The following ANKRD44 variants were observed in gnomAD, a reference collection of about 807,000 sequenced individuals.
The protein encoded by ANKRD44 is serine/threonine-protein phosphatase 6 regulatory ankyrin repeat subunit B.
ANKRD44 carries 35 observed loss-of-function variants against 116.0 expected under a neutral mutation model. The ratio of observed to expected loss-of-function variants is 0.30; its 90% confidence interval spans 0.23 to 0.40. ANKRD44 has a LOEUF of 0.40. Ranked by LOEUF, ANKRD44 falls within the 10% of genes least tolerant of loss-of-function variation. The pLI is 1.00. For synonymous variants in ANKRD44, 435 were observed against 461.8 expected (o/e 0.94, Z 0.74); for missense variants, 1,014 against 1,242.6 (o/e 0.82, Z 2.77).
chr2:197,281,237 G>A (rs1388126796), intron 1 of ANKRD44, among the ~76,000 whole-genome samples: 1 of 152,178 alleles, frequency 6.6e-6, no homozygotes. Context: ...TTACATGCCT[G>A]TTGATAGGAG....
rs367737068 is a variant in ANKRD44 at position 196,999,019 on chromosome 2, A to G, written c.2553T>C (p.His851=). 3.3e-5 allele frequency: 53 copies of G among 1,614,198 alleles called. No individual in the cohort carries two copies. The African/African-American group carries it at 6.3e-4, about 19-fold the overall frequency. ...TPLHAAAFAD[H]VECLQLLLRH... is the part of the protein sequence containing the mutation. ...TCAGAAGAAGCTGCAAGCACTCCAC[A>G]TGATCAGCAAATGCTGCCGCATGAA... The change falls in exon 24 of 28, where the codon CAT becomes CAC. Residue 851 remains histidine (H), a synonymous_variant. Coordinates refer to ENST00000282272, the MANE Select transcript of ANKRD44 (RefSeq NM_001195144.2).
chr2:197,221,114 G>A (rs965903798), intron 1 of ANKRD44, among the ~76,000 whole-genome samples: 19 of 152,000 alleles, frequency 1.3e-4, no homozygotes, highest in Non-Finnish European at 2.5e-4. Flanking sequence ...AGCCAAGTGT[G>A]GTGGTGCACA....
intron 4 of ANKRD44, among the ~76,000 whole-genome samples, chr2:197,126,770 A>T (rs1329415709): frequency 6.6e-6 from 1 of 151,920 alleles, no homozygotes; most frequent in African/African-American, 2.4e-5. Context: ...ATCGACAAAC[A>T]TATATACAGG....
chr2:197,295,192 G>A (rs972218277), intron 1 of ANKRD44, among the ~76,000 whole-genome samples: 4 of 152,182 alleles, frequency 2.6e-5, no homozygotes, highest in Non-Finnish European at 4.4e-5. Flanking sequence ...AGATCAAAGT[G>A]CAACTTAGGT....
chr2:197,280,083 G>A (rs946144138), intron 1 of ANKRD44, among the ~76,000 whole-genome samples: 5 of 152,262 alleles, frequency 3.3e-5, no homozygotes, highest in Admixed American at 2.0e-4. Context: ...TGAGCTCGGC[G>A]TGTGACAGGA....
intron 16 of ANKRD44, among the ~76,000 whole-genome samples, chr2:197,047,284 T>C (rs2077020405): frequency 6.6e-6 from 1 of 152,162 alleles, no homozygotes; most frequent in African/African-American, 2.4e-5. Flanking sequence ...CCTCCCAAAG[T>C]GCTGAGATGA....
chr2:197,029,801 G>T, intron 16 of ANKRD44: 1 of 292,316 alleles, frequency 3.4e-6, no homozygotes, highest in South Asian at 3.2e-5. Flanking sequence ...ACAGCCTCCT[G>T]GGTCTTCTTG....
intron 1 of ANKRD44, among the ~76,000 whole-genome samples, chr2:197,272,398 C>T (rs993629918): frequency 7.2e-5 from 11 of 152,110 alleles, no homozygotes; most frequent in Admixed American, 2.0e-4. Flanking sequence ...CCACCACGCC[C>T]AGCTAATTTT....
chr2:197,308,093 C>T (rs79623765), intron 1 of ANKRD44, among the ~76,000 whole-genome samples: 3,316 of 151,326 alleles, frequency 0.022, 126 homozygotes, highest in African/African-American at 0.077. Context: ...GATGTTTGAG[C>T]CTGGCAGGCC....
At chr2:197,053,477 C>T (rs1196492438) in intron 16 of ANKRD44, among the ~76,000 whole-genome samples, 1 of 152,072 alleles carries the variant, frequency 6.6e-6, no homozygotes, top group Non-Finnish European at 1.5e-5. Flanking sequence ...TTCACTTCTA[C>T]CTACACTGAT....
At chr2:197,256,546 A>G (rs990072414) in intron 1 of ANKRD44, among the ~76,000 whole-genome samples, 6 of 152,236 alleles carry the variant, frequency 3.9e-5, no homozygotes, top group African/African-American at 1.4e-4. Context: ...TCAAATTGAG[A>G]CAGATGAACA....
intron 26 of ANKRD44, chr2:196,994,753 C>T (rs1354853531): frequency 6.6e-6 from 1 of 151,308 alleles, no homozygotes; most frequent in Admixed American, 6.6e-5. Flanking sequence ...GAACTCCTGG[C>T]CTCAAGTAAT....
intron 9 of ANKRD44, among the ~76,000 whole-genome samples, chr2:197,108,866 AACAAC>A (rs1299114288): frequency 4.8e-5 from 7 of 145,728 alleles, no homozygotes; most frequent in Admixed American, 2.0e-4. Context: ...CAACAACAAC[AACAAC>A]AAAAACACAA....
Position 197,125,905 on chromosome 2 carries a change from T to C in ANKRD44, c.394A>G (p.Ser132Gly). Residue 132 changes from serine (S) to glycine (G), a missense_variant, in exon 5 of 28, where the codon AGT (serine) becomes GGT (glycine). Physicochemically the swap from Ser to Gly is moderately conservative, Grantham distance 56. Coordinates refer to ENST00000282272, the MANE Select transcript of ANKRD44 (RefSeq NM_001195144.2). ...CAEVIIPLLSSVNVSDRGGRT... is the reference protein window; with the variant it reads ...CAEVIIPLLSGVNVSDRGGRT... Reference sequence around the variant, plus strand: ...CCCCCTCGGTCGGAGACATTGACACTGCTCAGCAGGGGAATGATCACTTCT... The same window carrying C: ...CCCCCTCGGTCGGAGACATTGACACCGCTCAGCAGGGGAATGATCACTTCT... 6.2e-7 allele frequency: 1 copy of C among 1,614,226 alleles called. No individual in the cohort carries two copies. The highest frequency in any genetic ancestry group is 8.5e-7 in the Non-Finnish European group (1 of 1,180,032).
chr2:197,110,404 A>T (rs1255601441), intron 9 of ANKRD44, among the ~76,000 whole-genome samples: 2 of 152,198 alleles, frequency 1.3e-5, no homozygotes. Context: ...GTGAACTCTA[A>T]AATTTAAAAA....
intron 1 of ANKRD44, among the ~76,000 whole-genome samples, chr2:197,256,573 A>T (rs541289985): frequency 6.6e-6 from 1 of 152,242 alleles, no homozygotes; most frequent in Admixed American, 6.5e-5. Context: ...AAAATATGTC[A>T]TGAACCTGAA....
intron 16 of ANKRD44, among the ~76,000 whole-genome samples, chr2:197,072,046 A>AGAAGGAAGGAAGGAAGGAAGGAAGGAAG (rs60306279): frequency 9.0e-6 from 1 of 111,206 alleles, no homozygotes; most frequent in African/African-American, 3.2e-5. Flanking sequence ...GAGGGAGGAA[A>AGAAGGAAGGAAGGAAGGAAGGAAGGAAG]GAAGGAAGGA....
At chr2:196,986,143 C>A (rs2075835182), downstream of ANKRD44, among the ~76,000 whole-genome samples, 1 of 152,120 alleles carries the variant, frequency 6.6e-6, no homozygotes, top group African/African-American at 2.4e-5. Flanking sequence ...TGTTTGTATT[C>A]TTTTTCTCTG....
chr2:197,033,228 T>G (rs2124903351), intron 16 of ANKRD44, among the ~76,000 whole-genome samples: 1 of 152,156 alleles, frequency 6.6e-6, no homozygotes, highest in South Asian at 2.1e-4. Flanking sequence ...GAAAAGAGTC[T>G]GCAGAGAGGA....
Sources: gnomAD v4.1 joint callset for allele counts (sites outside exome capture counted in the v4.1 genomes callset) on GRCh38, gnomAD v4.1.1 for gene constraint, MANE v1.5 for transcripts, NCBI Gene and HGNC (gene_info 2026-07-23, HGNC 2026-07-21) for gene names.